The following TANC2 variants were observed in gnomAD, a reference collection of about 807,000 sequenced individuals.
The protein encoded by TANC2 is tetratricopeptide repeat, ankyrin repeat and coiled-coil containing 2.
In TANC2, 26 loss-of-function variants were observed where a neutral mutation model predicts 210.5. That is an observed-to-expected ratio of 0.12 (90% CI 0.09 to 0.17). The LOEUF is 0.17. TANC2 is among the 10% of genes least tolerant of loss of function. The probability of loss-of-function intolerance (pLI) is 1.00; values close to 1 mark genes in which losing one functional copy is unlikely to be tolerated. For missense variants in TANC2, 2,129 were observed against 2,608.9 expected (o/e 0.82, Z 4.01); for synonymous variants, 931 against 967.1 (o/e 0.96, Z 0.69).
chr17:62,974,294 T>C (rs1256659509), intron 1 of TANC2, among the ~76,000 whole-genome samples: 1 of 152,234 alleles, frequency 6.6e-6, no homozygotes, highest in Non-Finnish European at 1.5e-5. Flanking sequence ...AAGATTCTAT[T>C]CCTTTTTTTT....
intron 5 of TANC2, among the ~76,000 whole-genome samples, chr17:63,186,971 T>A (rs1299530388): frequency 6.6e-6 from 1 of 152,252 alleles, no homozygotes; most frequent in Non-Finnish European, 1.5e-5. Flanking sequence ...AGAATTCCAT[T>A]CAAGGAAAGT....
intron 21 of TANC2, among the ~76,000 whole-genome samples, chr17:63,408,027 T>C (rs1448023290): frequency 6.6e-6 from 1 of 152,170 alleles, no homozygotes; most frequent in East Asian, 1.9e-4. Context: ...CTTTAAAAAT[T>C]TTAAATAAGG....
At chr17:63,155,288 C>T (rs1384543521) in intron 5 of TANC2, 1 of 152,000 alleles carries the variant, frequency 6.6e-6, no homozygotes, top group Non-Finnish European at 1.5e-5. Context: ...AATGTATATG[C>T]CACATGCTTA....
At chr17:63,403,956 G>C (rs1457963857) in intron 19 of TANC2, among the ~76,000 whole-genome samples, 2 of 152,186 alleles carry the variant, frequency 1.3e-5, no homozygotes, top group Admixed American at 6.5e-5. Flanking sequence ...ATGTCCATTT[G>C]ATGTAAATTT....
chr17:63,283,837 C>G (rs2044138785), intron 9 of TANC2, among the ~76,000 whole-genome samples: 1 of 151,850 alleles, frequency 6.6e-6, no homozygotes, highest in South Asian at 2.1e-4. Context: ...CTCTTGTATC[C>G]TAAAACCTTG....
At chr17:63,370,727 A>G (rs1012034871) in intron 14 of TANC2, among the ~76,000 whole-genome samples, 3 of 152,226 alleles carry the variant, frequency 2.0e-5, no homozygotes, top group African/African-American at 4.8e-5. Context: ...GGGCTCTGCC[A>G]TCTTTCACAC....
In TANC2 at chr17:63,108,450, C is replaced by A. The variant is rs1487669601; in HGVS notation, c.322+9093C>A. On this transcript the variant is annotated intron_variant, in intron 4 of 27. Coordinates refer to ENST00000689528, the Ensembl canonical transcript of TANC2. ...AAGCTTAATTCAGCCGAGTGTAGAA[C>A]CTCATACTGAAAAACATAAGATTTC... Among the ~76,000 whole-genome samples, 3 of 151,712 alleles carry A rather than the reference C, an allele frequency of 2.0e-5. No individual in the cohort carries two copies. The East Asian group carries it at 5.8e-4, about 29-fold the overall frequency.
At chr17:63,425,630 C>T (rs555381976) in exon 28 of TANC2, 6 of 152,340 alleles carry the variant, frequency 3.9e-5, no homozygotes, top group African/African-American at 7.2e-5. Flanking sequence ...AGCGGCATCC[C>T]CTCGGGAGAG....
chr17:63,200,654 A>G (rs1567809248), intron 6 of TANC2, 117 bp from the exon 7 acceptor site: 4 of 876,190 alleles, frequency 4.6e-6, no homozygotes, highest in Non-Finnish European at 7.0e-6. Context: ...ATAGAGCCTA[A>G]TAGATGTAAA....
chr17:63,065,852 C>T lies in TANC2; in HGVS notation c.68-8091C>T, dbSNP rs543789327. 8.9e-4 allele frequency among the ~76,000 whole-genome samples: 135 copies of T among 152,234 alleles called. 1 individual carries two copies. The Middle Eastern group carries it at 0.01, about 12-fold the overall frequency. The stretch of plus-strand genomic sequence containing the variant: ...TTTTCCATTTTGTAGGTTATCTCTT[C>T]ACTCTGTTGATTGTTTTCTTTGCTG... On this transcript the variant is annotated intron_variant, in intron 2 of 27. Coordinates refer to ENST00000689528, the Ensembl canonical transcript of TANC2.
intron 4 of TANC2, among the ~76,000 whole-genome samples, chr17:63,125,458 G>GTT (rs934007517): frequency 1.3e-5 from 2 of 152,126 alleles, no homozygotes; most frequent in African/African-American, 4.8e-5. Context: ...GGTAGGCTGA[G>GTT]TTTTTTAAGT....
rs1448024573 is a variant in TANC2 at position 63,013,431 on chromosome 17, TAA to T, written c.67+3806_67+3807del. Among the ~76,000 whole-genome samples, 6 of 152,328 alleles carry T rather than the reference TAA, an allele frequency of 3.9e-5. No individual in the cohort carries two copies. The South Asian group carries it at 8.3e-4, about 21-fold the overall frequency. ...GTTTCTAGATTTGTACTGGTATGCC[TAA>T]GAGTATTTTTTTAATCTTTATCATT... On this transcript the variant is annotated intron_variant, in intron 2 of 27. Coordinates refer to ENST00000689528, the Ensembl canonical transcript of TANC2.
chr17:63,052,503 A>G (rs966720446), intron 2 of TANC2, among the ~76,000 whole-genome samples: 3 of 152,208 alleles, frequency 2.0e-5, no homozygotes, highest in African/African-American at 7.2e-5. Flanking sequence ...TGGTGCTACC[A>G]TAGTATAGGG....
At chr17:63,270,226 A>G (rs1163690829) in intron 9 of TANC2, among the ~76,000 whole-genome samples, 1 of 152,186 alleles carries the variant, frequency 6.6e-6, no homozygotes, top group African/African-American at 2.4e-5. Flanking sequence ...GTAACATGTT[A>G]TCTTAATTAT....
intron 5 of TANC2, 79 bp from the exon 6 acceptor site, chr17:63,193,912 A>G: frequency 2.2e-6 from 3 of 1,392,642 alleles, no homozygotes; most frequent in Non-Finnish European, 2.8e-6. Context: ...GAAATGACCA[A>G]AGTGAATGTA....
At chr17:63,337,416 T>G (rs910222937) in intron 11 of TANC2, among the ~76,000 whole-genome samples, 1 of 151,152 alleles carries the variant, frequency 6.6e-6, no homozygotes, top group African/African-American at 2.5e-5. Flanking sequence ...ACCAAAAATC[T>G]TGAACTCTAT....
chr17:62,970,273 A>G (rs1324009724), intron 1 of TANC2, among the ~76,000 whole-genome samples: 2 of 152,200 alleles, frequency 1.3e-5, no homozygotes, highest in African/African-American at 2.4e-5. Context: ...TTCAGCATAT[A>G]TGCTTACGTA....
chr17:63,003,903 T>C (rs2033496759), intron 1 of TANC2, among the ~76,000 whole-genome samples: 1 of 152,230 alleles, frequency 6.6e-6, no homozygotes, highest in Non-Finnish European at 1.5e-5. Flanking sequence ...TTGTTTGTTT[T>C]TTTTCAAACT....
chr17:63,110,918 A>G (rs1402396774), intron 4 of TANC2, among the ~76,000 whole-genome samples: 1 of 151,990 alleles, frequency 6.6e-6, no homozygotes, highest in African/African-American at 2.4e-5. Flanking sequence ...CTACTTATTA[A>G]CTGTATGACC....
Sources: gnomAD v4.1 joint callset for allele counts (sites outside exome capture counted in the v4.1 genomes callset) on GRCh38, gnomAD v4.1.1 for gene constraint, MANE v1.5 for transcripts, NCBI Gene and HGNC (gene_info 2026-07-23, HGNC 2026-07-21) for gene names.